NXF2B: variants seen among roughly 807,000 people sequenced by gnomAD.
The protein encoded by NXF2B is nuclear RNA export factor 2.
intron 2 of NXF2B, among the ~76,000 whole-genome samples, chrX:102,435,842 A>G (rs1332417355): frequency 1.4e-5 from 1 of 72,695 alleles, no homozygotes; most frequent in Non-Finnish European, 2.7e-5. Flanking sequence ...TTAAAAGCCC[A>G]TACAGGCCAG....
intron 2 of NXF2B, among the ~76,000 whole-genome samples, chrX:102,397,809 A>G (rs1934332293): frequency 9.0e-6 from 1 of 111,633 alleles, no homozygotes; most frequent in South Asian, 3.6e-4. Flanking sequence ...AATATCCAGA[A>G]TCTACAATGA....
At chrX:102,412,629 AAGAAGAAG>A (rs1569471558) in intron 2 of NXF2B, among the ~76,000 whole-genome samples, 5 of 27,347 alleles carry the variant, frequency 1.8e-4, no homozygotes, top group East Asian at 5.1e-4. Flanking sequence ...GAAGAAGAAG[AAGAAGAAG>A]AAGAAGAAGT....
At chrX:102,398,118 A>T (rs1326389465) in intron 2 of NXF2B, among the ~76,000 whole-genome samples, 2 of 87,637 alleles carry the variant, frequency 2.3e-5, no homozygotes, top group African/African-American at 9.0e-5. Flanking sequence ...AAAAAAAAAA[A>T]AAGAAAAGAA....
intron 2 of NXF2B, among the ~76,000 whole-genome samples, chrX:102,386,041 G>A (rs1430875116): frequency 1.7e-5 from 2 of 114,766 alleles, no homozygotes; most frequent in Admixed American, 1.8e-4. Flanking sequence ...TCCGCCTCCC[G>A]GGTTCAAGTG....
chrX:102,397,990 T>G (rs1934335793), intron 2 of NXF2B, among the ~76,000 whole-genome samples: 1 of 107,561 alleles, frequency 9.3e-6, no homozygotes, highest in Admixed American at 9.9e-5. Flanking sequence ...TCACAAACCC[T>G]GCATCCAACA....
chrX:102,398,042 C>T (rs1425026765), intron 2 of NXF2B, among the ~76,000 whole-genome samples: 91 of 63,989 alleles, frequency 1.4e-3, no homozygotes, highest in African/African-American at 5.1e-3. Context: ...CAATAAAAAT[C>T]GGCAAGAAAA....
intron 2 of NXF2B, among the ~76,000 whole-genome samples, chrX:102,435,944 A>G (rs1239807447): frequency 5.5e-5 from 2 of 36,499 alleles, no homozygotes; most frequent in Non-Finnish European, 9.8e-5. Context: ...TCTGGGCAAC[A>G]TAGCGAGGCC....
At chrX:102,420,306 C>CT (rs1280177197) in intron 2 of NXF2B, among the ~76,000 whole-genome samples, 1 of 87,769 alleles carries the variant, frequency 1.1e-5, no homozygotes, top group Non-Finnish European at 2.3e-5. Context: ...TGGTCCTGGA[C>CT]TTTTTTTGTT....
exon 2 of NXF2B, chrX:102,438,581 C>T (rs1934480946): frequency 1.6e-5 from 1 of 62,288 alleles, no homozygotes; most frequent in Admixed American, 1.4e-4. Flanking sequence ...AGTGTCAGGG[C>T]TGTGGAAGAC....
intron 2 of NXF2B, among the ~76,000 whole-genome samples, chrX:102,412,638 AAGAAGAAGT>A (rs1556393169): frequency 3.2e-4 from 8 of 25,099 alleles, no homozygotes; most frequent in East Asian, 1.6e-3. Context: ...GAAGAAGAAG[AAGAAGAAGT>A]AGTCATCATC....
intron 2 of NXF2B, among the ~76,000 whole-genome samples, chrX:102,397,754 A>G (rs1429584775): frequency 4.4e-5 from 4 of 91,377 alleles, no homozygotes; most frequent in Non-Finnish European, 6.4e-5. Context: ...GGCAACCTAC[A>G]GAATGGGAGG....
At chrX:102,397,717 C>A (rs1934330921) in intron 2 of NXF2B, among the ~76,000 whole-genome samples, 1 of 88,544 alleles carries the variant, frequency 1.1e-5, no homozygotes, top group Admixed American at 1.3e-4. Flanking sequence ...TTCTGCACAG[C>A]AAAAGAAACT....
chrX:102,435,867 GC>G (rs1556394756), intron 2 of NXF2B, among the ~76,000 whole-genome samples: 2 of 60,606 alleles, frequency 3.3e-5, no homozygotes, highest in African/African-American at 1.1e-4. Context: ...CATGGCTCAT[GC>G]CTGTAATCTC....
intron 2 of NXF2B, among the ~76,000 whole-genome samples, chrX:102,392,436 T>A (rs1466856977): frequency 2.1e-5 from 2 of 97,005 alleles, no homozygotes; most frequent in African/African-American, 7.7e-5. Context: ...CGCTTGACAG[T>A]AGATGCTGAA....
intron 2 of NXF2B, among the ~76,000 whole-genome samples, chrX:102,386,515 CA>C (rs1934273171): frequency 1.3e-5 from 1 of 76,578 alleles, no homozygotes; most frequent in Non-Finnish European, 2.5e-5. Context: ...GAGGTTCTTC[CA>C]AAACATATAC....
chrX:102,386,143 C>T (rs1341176966), intron 2 of NXF2B, among the ~76,000 whole-genome samples: 1 of 115,028 alleles, frequency 8.7e-6, no homozygotes, highest in Non-Finnish European at 1.9e-5. Flanking sequence ...GATAGGGTTT[C>T]ACCACGTTAG....
rs1461418560 is a variant in NXF2B at position 102,412,533 on chromosome X, A to AG, written c.-54+26019dup. Among the ~76,000 whole-genome samples the AG allele has an allele frequency of 6.2e-3, 10 of 1,603 alleles. 1 individual carries two copies. The highest frequency in any genetic ancestry group is 0.017 in the Admixed American group (3 of 172). 1.4% of individuals were successfully genotyped at this position (1,603 alleles called of 115,157 possible). On this transcript the variant is annotated intron_variant, in intron 2 of 22. Transcript: ENST00000602195. ...AAGAAGAAGAAGAAGAAGAAGAAGAAGAAGAAGAAGAAGAAGAAGAAGAAG... is the reference window on the plus strand; with the variant it reads ...AAGAAGAAGAAGAAGAAGAAGAAGAAGGAAGAAGAAGAAGAAGAAGAAGAAG...
chrX:102,435,692 A>C (rs1172078306), intron 2 of NXF2B, among the ~76,000 whole-genome samples: 1 of 71,671 alleles, frequency 1.4e-5, no homozygotes, highest in African/African-American at 4.7e-5. Context: ...CTACATGTGC[A>C]CTTAACTTTT....
intron 2 of NXF2B, among the ~76,000 whole-genome samples, chrX:102,397,239 CA>C (rs1934325832): frequency 2.1e-5 from 1 of 46,880 alleles, no homozygotes; most frequent in African/African-American, 6.1e-5. Flanking sequence ...AATCCTAAGC[CA>C]AAAGAACAAA....
Sources: allele counts gnomAD v4.1 joint callset (sites outside exome capture counted in the v4.1 genomes callset), GRCh38; gene constraint gnomAD v4.1.1; transcripts MANE v1.5; gene names NCBI Gene and HGNC (gene_info 2026-07-23, HGNC 2026-07-21).